Variants in GALNT3 observed in about 807,000 individuals in gnomAD.
The protein encoded by GALNT3 is GalNAc transferase 3.
A neutral mutation model predicts 69.8 loss-of-function variants in GALNT3; 51 were observed. The ratio of observed to expected loss-of-function variants is 0.73; its 90% confidence interval spans 0.58 to 0.92. The LOEUF is 0.92. GALNT3 is among the 40% of genes least tolerant of loss of function. The pLI, the probability that GALNT3 is intolerant of heterozygous loss-of-function variation, is 0.00. For missense variants in GALNT3, 711 were observed against 760.0 expected, an observed-to-expected ratio of 0.94 and a Z score of 0.76; for synonymous variants, 265 against 248.5, an observed-to-expected ratio of 1.07 and a Z score of -0.63.
At chr2:165,777,637 A>G (rs756437763) in intron 1 of GALNT3, among the ~76,000 whole-genome samples, 4 of 152,122 alleles carry the variant, frequency 2.6e-5, no homozygotes, top group Non-Finnish European at 5.9e-5. Flanking sequence ...GTTTAAGTTC[A>G]TGTTTACATT....
intron 1 of GALNT3, among the ~76,000 whole-genome samples, chr2:165,783,485 C>T (rs1683155266): frequency 6.6e-6 from 1 of 152,094 alleles, no homozygotes; most frequent in Non-Finnish European, 1.5e-5. Context: ...ACAGGTTTAC[C>T]AATGCTGATG....
At chr2:165,768,573 A>G (rs1466652864) in intron 2 of GALNT3, among the ~76,000 whole-genome samples, 2 of 152,190 alleles carry the variant, frequency 1.3e-5, no homozygotes, top group Non-Finnish European at 2.9e-5. Flanking sequence ...AATCAATCAG[A>G]TTAGAATAGC....
intron 6 of GALNT3, among the ~76,000 whole-genome samples, chr2:165,757,922 T>G (rs994690450): frequency 6.6e-6 from 1 of 152,146 alleles, no homozygotes; most frequent in African/African-American, 2.4e-5. Context: ...AAGCAAAGAA[T>G]CAGAAAATAA....
intron 1 of GALNT3, among the ~76,000 whole-genome samples, chr2:165,776,629 G>A (rs1007914706): frequency 6.6e-6 from 1 of 152,050 alleles, no homozygotes; most frequent in African/African-American, 2.4e-5. Flanking sequence ...CAGAGACCTG[G>A]TTTTAAAAAG....
chr2:165,777,508 T>A (rs1682985349), intron 1 of GALNT3, among the ~76,000 whole-genome samples: 1 of 152,204 alleles, frequency 6.6e-6, no homozygotes, highest in South Asian at 2.1e-4. Flanking sequence ...TATGTGCCCC[T>A]CATCTACTGG....
chr2:165,757,915 CAAAG>C (rs1208720040), intron 6 of GALNT3, among the ~76,000 whole-genome samples: 1 of 152,102 alleles, frequency 6.6e-6, no homozygotes, highest in African/African-American at 2.4e-5. Context: ...AGTTACCAAG[CAAAG>C]AATCAGAAAA....
At chr2:165,758,535 A>T in intron 6 of GALNT3, 1 of 436,064 alleles carries the variant, frequency 2.3e-6, no homozygotes, top group Non-Finnish European at 4.1e-6. Context: ...CAGGAGTTTA[A>T]CTGATTCCTC....
chr2:165,762,265 A>C (rs1210131891), intron 3 of GALNT3, among the ~76,000 whole-genome samples: 1 of 151,906 alleles, frequency 6.6e-6, no homozygotes, highest in Non-Finnish European at 1.5e-5. Context: ...AACACAAAAC[A>C]CTGTAATGCA....
intron 3 of GALNT3, among the ~76,000 whole-genome samples, chr2:165,763,129 T>G (rs1688582098): frequency 6.6e-6 from 1 of 152,114 alleles, no homozygotes. Context: ...TTCTTAAGCC[T>G]GTTTTTCTCA....
At position 165,778,815 on chromosome 2, in the gene GALNT3, C is replaced by T. The variant is rs563854358; in HGVS notation, c.-108-8007G>A. Among the ~76,000 whole-genome samples the T allele has an allele frequency of 5.3e-5, 8 of 152,300 alleles. No individual in the cohort carries two copies. The South Asian group carries it at 6.2e-4, about 12-fold the overall frequency. On this transcript the variant is annotated intron_variant, in intron 1 of 10. Transcript: ENST00000392701. ...GGGAATCTGGAATCACAGAGGTTGT[C>T]CCCTGCAGGAGTTTAGTGAACTTTC...
intron 1 of GALNT3, among the ~76,000 whole-genome samples, chr2:165,779,166 G>A (rs1324983460): frequency 1.3e-5 from 2 of 152,158 alleles, no homozygotes; most frequent in Non-Finnish European, 2.9e-5. Context: ...ATGCTCAAAA[G>A]GAGCTTAGCC....
chr2:165,786,467 C>A (rs1471480987), intron 1 of GALNT3, among the ~76,000 whole-genome samples: 1 of 152,146 alleles, frequency 6.6e-6, no homozygotes, highest in Admixed American at 6.5e-5. Context: ...ATGTTCATGT[C>A]GCTTTTATAA....
chr2:165,761,993 T>G lies in GALNT3; in HGVS notation c.750A>C (p.Arg250Ser). ...TGATCAGACCTTTTCTTTCTCTTTGTCTGACTATTTTTACTATAGAAAATT... is the reference window on the plus strand; with the variant it reads ...TGATCAGACCTTTTCTTTCTCTTTGGCTGACTATTTTTACTATAGAAAATT... ...VKQFSIVKIV[R>S]QRERKGLITA... is the part of the protein sequence containing the mutation. Residue 250 changes from arginine (R) to serine (S), a missense_variant, in exon 4 of 11, where the codon AGA becomes AGC. Coordinates refer to ENST00000392701, the MANE Select transcript of GALNT3 (RefSeq NM_004482.4). The G allele has an allele frequency of 6.2e-7, 1 of 1,610,268 alleles. No homozygotes were observed. Among genetic ancestry groups the G allele is most frequent in the Non-Finnish European group, 8.5e-7 (1 of 1,176,488 alleles).
intron 1 of GALNT3, among the ~76,000 whole-genome samples, chr2:165,782,967 T>C (rs966320415): frequency 1.3e-5 from 2 of 152,168 alleles, no homozygotes; most frequent in Non-Finnish European, 2.9e-5. Context: ...TAGCTACCAC[T>C]AGGCATATAC....
intron 2 of GALNT3, 26 bp downstream of exon 2, chr2:165,770,160 T>A: frequency 6.2e-7 from 1 of 1,613,894 alleles, no homozygotes; most frequent in East Asian, 2.2e-5. Flanking sequence ...TGATAAAGAA[T>A]AAACAATAAA....
At chr2:165,780,820 C>T (rs1012493874) in intron 1 of GALNT3, among the ~76,000 whole-genome samples, 1 of 152,042 alleles carries the variant, frequency 6.6e-6, no homozygotes, top group Non-Finnish European at 1.5e-5. Context: ...TCCAGATCTG[C>T]TCTAGTTCTG....
At chr2:165,794,398 G>C (rs1408346574), upstream of GALNT3, 1 of 152,632 alleles carries the variant, frequency 6.6e-6, no homozygotes, top group African/African-American at 2.4e-5. Flanking sequence ...CCTGGCTGTC[G>C]CGCGGCTTCT....
chr2:165,769,627 C>A (rs936179674), intron 2 of GALNT3, among the ~76,000 whole-genome samples: 1 of 151,434 alleles, frequency 6.6e-6, no homozygotes, highest in African/African-American at 2.4e-5. Context: ...TGGTGGCGGG[C>A]GCCTGTAATC....
At chr2:165,764,849 T>G in intron 3 of GALNT3, 35 bp downstream of exon 3, 3 of 1,608,982 alleles carry the variant, frequency 1.9e-6, no homozygotes, top group Non-Finnish European at 2.6e-6. Context: ...CAATATGGAT[T>G]TGGGAAACAA....
Sources: allele counts gnomAD v4.1 joint callset (sites outside exome capture counted in the v4.1 genomes callset), GRCh38; gene constraint gnomAD v4.1.1; transcripts MANE v1.5; gene names NCBI Gene and HGNC (gene_info 2026-07-23, HGNC 2026-07-21).